RAB2B: variants seen among roughly 807,000 people sequenced by gnomAD.
The protein encoded by RAB2B is ras-related protein Rab-2B.
A neutral mutation model predicts 29.8 loss-of-function variants in RAB2B; 20 were observed. The ratio of observed to expected loss-of-function variants is 0.67; its 90% CI spans 0.47 to 0.97. The LOEUF is 0.97. Among genes scored for constraint, RAB2B ranks in the 50% least tolerant of loss-of-function variants. The pLI, the probability that RAB2B is intolerant of heterozygous loss-of-function variation, is 0.00. For missense variants in RAB2B, 218 were observed against 272.0 expected (o/e 0.80, Z 1.40); for synonymous variants, 93 against 91.7 (o/e 1.01, Z -0.08).
intron 3 of RAB2B, among the ~76,000 whole-genome samples, chr14:21,471,681 C>CTTT (rs35750510): frequency 7.6e-6 from 1 of 132,354 alleles, no homozygotes; most frequent in Non-Finnish European, 1.6e-5. Context: ...TTTTTTTTTC[C>CTTT]TTTTTTTTTT....
At chr14:21,476,637 T>C in intron 1 of RAB2B, 38 bp from the exon 2 acceptor site, 1 of 1,613,594 alleles carries the variant, frequency 6.2e-7, no homozygotes, top group Non-Finnish European at 8.5e-7. Context: ...CACGCAGCCC[T>C]GGAACACCTT....
chr14:21,462,746 C>T lies in RAB2B; in HGVS notation c.475-328G>A, dbSNP rs138705992. ...TTCCAGTTACTCGGGGGCCAAGGCA[C>T]GAAAATCGCTTAAACCCAGGAGCGC... On this transcript the variant is annotated intron_variant, in intron 6 of 7. Coordinates refer to ENST00000397762, the MANE Select transcript of RAB2B (RefSeq NM_032846.4). 2.2e-3 allele frequency among the ~76,000 whole-genome samples: 320 copies of T among 147,170 alleles called. 3 individuals are homozygous for T. The highest frequency in any genetic ancestry group is 7.1e-3 in the African/African-American group (280 of 39,510).
intron 5 of RAB2B, among the ~76,000 whole-genome samples, chr14:21,467,428 G>A (rs529889562): frequency 8.5e-5 from 13 of 152,256 alleles, no homozygotes; most frequent in African/African-American, 1.7e-4. Flanking sequence ...ACAGGCATAC[G>A]CCACTGCGCC....
rs1186766198 is a variant in RAB2B at position 21,476,954 on chromosome 14, ATCT to A, written c.-85_-83del. 12 of 1,467,994 alleles carry A rather than the reference ATCT, an allele frequency of 8.2e-6. No homozygotes were observed. Among genetic ancestry groups the A allele is most frequent in the Admixed American group, 3.4e-5 (2 of 59,406 alleles). The allele number at this position is 1,467,994 out of a possible 1,614,324, so 90.9% of individuals were successfully genotyped here. A position where few individuals can be genotyped will look rare whatever the true frequency, so the allele number is the denominator to read the frequency against. On this transcript the variant is annotated 5_prime_UTR_variant, in exon 1 of 8. Transcript: ENST00000397762. ...ACCTCTCTAGCCACTCAATCTACCG[ATCT>A]TCTTCTTCTCCCCCTTCCCCCCGCT...
intron 3 of RAB2B, chr14:21,474,627 A>G (rs1280248636): frequency 1.3e-5 from 6 of 458,170 alleles, no homozygotes; most frequent in East Asian, 7.2e-5. Flanking sequence ...TATTCTATAA[A>G]TTTATATTGT....
chr14:21,466,911 A>AT (rs113373209), intron 5 of RAB2B, among the ~76,000 whole-genome samples: 147 of 148,180 alleles, frequency 9.9e-4, no homozygotes, highest in Middle Eastern at 3.5e-3. Context: ...GAATGAAATA[A>AT]TTTTTTTTTT....
intron 5 of RAB2B, among the ~76,000 whole-genome samples, chr14:21,467,760 T>C (rs1043937792): frequency 1.2e-4 from 18 of 152,204 alleles, no homozygotes; most frequent in African/African-American, 3.9e-4. Context: ...AACAGATCCA[T>C]GTTCATAGCA....
chr14:21,462,223 G>T, intron 7 of RAB2B, 127 bp downstream of exon 7: 24 of 549,812 alleles, frequency 4.4e-5, no homozygotes, highest in Middle Eastern at 3.6e-4. Context: ...AAAAAAAAGT[G>T]TTGAATTGGC....
At chr14:21,476,308 C>G (rs1890961281) in intron 2 of RAB2B, 2 of 552,700 alleles carry the variant, frequency 3.6e-6, no homozygotes, top group Admixed American at 3.2e-5. Flanking sequence ...GAGTCTATAC[C>G]TCACACTCTA....
At chr14:21,473,675 C>G (rs1172440809) in intron 3 of RAB2B, among the ~76,000 whole-genome samples, 1 of 152,068 alleles carries the variant, frequency 6.6e-6, no homozygotes, top group Non-Finnish European at 1.5e-5. Context: ...GAGGTCAGTT[C>G]AACACCGGCC....
At chr14:21,468,334 T>A in intron 5 of RAB2B, 23 bp downstream of exon 5, 1 of 1,574,980 alleles carries the variant, frequency 6.3e-7, no homozygotes, top group South Asian at 1.1e-5. Flanking sequence ...TGTTAACTAT[T>A]ATTCACATGG....
chr14:21,473,733 C>T (rs1890875157), intron 3 of RAB2B, among the ~76,000 whole-genome samples: 1 of 152,172 alleles, frequency 6.6e-6, no homozygotes, highest in Admixed American at 6.5e-5. Context: ...CAAAAAACGT[C>T]CGGGAGTGGT....
chr14:21,470,993 C>CAAAAAAAAAAAAAAAAAAAAAAAAAAAA (rs869211285), intron 3 of RAB2B, among the ~76,000 whole-genome samples: 3 of 98,794 alleles, frequency 3.0e-5, no homozygotes, highest in African/African-American at 8.6e-5. Context: ...GCTAAAAATA[C>CAAAAAAAAAAAAAAAAAAAAAAAAAAAA]AAAAAAAAAA....
chr14:21,461,486 G>A (rs760544122), intron 7 of RAB2B, among the ~76,000 whole-genome samples, 183 bp from the exon 8 acceptor site: 7 of 152,164 alleles, frequency 4.6e-5, no homozygotes, highest in Admixed American at 3.3e-4. Context: ...CCCTAGCCAC[G>A]CTGATGTGGA....
chr14:21,461,111 C>A lies in RAB2B; in HGVS notation c.*85G>T. 2 of 973,206 alleles carry A rather than the reference C, an allele frequency of 2.1e-6. No individual in the cohort carries two copies. Among genetic ancestry groups the A allele is most frequent in the Non-Finnish European group, 3.1e-6 (2 of 638,026 alleles). 60.3% of individuals were successfully genotyped at this position (973,206 alleles called of 1,614,324 possible). A position where few individuals can be genotyped will look rare whatever the true frequency, so the allele number is the denominator to read the frequency against. Reference sequence around the variant, plus strand: ...TCACACTTTAAAAAGAGGCTGCTCTCAGCCAAAGCAAGAAAGACCTCTTTC... The same window carrying A: ...TCACACTTTAAAAAGAGGCTGCTCTAAGCCAAAGCAAGAAAGACCTCTTTC... On this transcript the variant is annotated 3_prime_UTR_variant, in exon 8 of 8. Transcript: ENST00000397762.
intron 1 of RAB2B, 54 bp from the exon 2 acceptor site, chr14:21,476,653 G>A (rs764754665): frequency 5.1e-5 from 82 of 1,613,462 alleles, no homozygotes; most frequent in South Asian, 8.8e-5. Flanking sequence ...ACCTTCCAGA[G>A]TATGGACTTC....
At position 21,459,828 on chromosome 14, in the gene RAB2B, T is replaced by C. The variant is rs1728317998; in HGVS notation, c.*1368A>G. 4.8e-6 allele frequency: 1 copy of C among 209,514 alleles called. No individual in the cohort carries two copies. The highest frequency in any genetic ancestry group is 5.3e-5 in the Admixed American group (1 of 18,832). 13.0% of individuals were successfully genotyped at this position (209,514 alleles called of 1,614,324 possible). A position where few individuals can be genotyped will look rare whatever the true frequency, so the allele number is the denominator to read the frequency against. On this transcript the variant is annotated 3_prime_UTR_variant, in exon 8 of 8. Transcript: ENST00000397762. ...GAATAAATATGTCACATTCAGTAAG[T>C]AGATTAGCCTGATTGGAGTAGAAAG...
intron 4 of RAB2B, 67 bp downstream of exon 4, chr14:21,468,603 G>GA (rs35440295): frequency 0.08 from 83,495 of 1,041,776 alleles, 122 homozygotes; most frequent in Non-Finnish European, 0.086. Context: ...TCAGTAGATA[G>GA]AAAAAAAAAA....
At chr14:21,476,299 A>C in intron 2 of RAB2B, 1 of 489,818 alleles carries the variant, frequency 2.0e-6, no homozygotes, top group Non-Finnish European at 3.6e-6. Context: ...TTATATGACG[A>C]GTCTATACCT....
Sources: gnomAD v4.1 joint callset for allele counts (sites outside exome capture counted in the v4.1 genomes callset) on GRCh38, gnomAD v4.1.1 for gene constraint, MANE v1.5 for transcripts, NCBI Gene and HGNC (gene_info 2026-07-23, HGNC 2026-07-21) for gene names.